The following SELENBP1 variants were observed in gnomAD, a reference collection of about 807,000 sequenced individuals.
SELENBP1 encodes selenium binding protein 1.
In SELENBP1, 71 loss-of-function variants were observed where a neutral mutation model predicts 61.0. That is an observed-to-expected ratio of 1.16 (90% CI 0.96 to 1.42). The LOEUF (loss-of-function observed/expected upper bound fraction) is 1.42. Ranked by LOEUF, SELENBP1 falls within the 40% of genes most tolerant of loss-of-function variation. SELENBP1 has a pLI of 0.00. For synonymous variants in SELENBP1, 270 were observed against 238.9 expected, an observed-to-expected ratio of 1.13 and a Z score of -1.20; for missense variants, 561 against 605.0, an observed-to-expected ratio of 0.93 and a Z score of 0.76.
At chr1:151,367,232 T>A (rs1364822450) in intron 5 of SELENBP1, 36 of 230,422 alleles carry the variant, frequency 1.6e-4, no homozygotes, top group African/African-American at 7.7e-4. Context: ...TAATCCCAGC[T>A]ACTCGGGAGG....
rs555337024 is a variant in SELENBP1 at position 151,364,727 on chromosome 1, T to C, written c.1257-22A>G. 6 of 1,560,548 alleles carry C rather than the reference T, an allele frequency of 3.8e-6. No individual in the cohort carries two copies. The South Asian group carries it at 7.4e-5, about 19-fold the overall frequency. ...TTCCCTGGTGGAAAAGGGAATGGGGTAAGGGAGAGGTCAGAGGTGGCTGCC... is the reference window on the plus strand; with the variant it reads ...TTCCCTGGTGGAAAAGGGAATGGGGCAAGGGAGAGGTCAGAGGTGGCTGCC... On this transcript the variant is annotated intron_variant, in intron 11 of 11. Transcript: ENST00000368868.
chr1:151,367,132 C>T, intron 5 of SELENBP1: 1 of 1,106,440 alleles, frequency 9.0e-7, no homozygotes, highest in Non-Finnish European at 1.2e-6. Flanking sequence ...CACTTGAGGT[C>T]AGGAGTTCAG....
chr1:151,372,680 G>T lies in SELENBP1; in HGVS notation c.-39C>A, dbSNP rs746319494. On this transcript the variant is annotated 5_prime_UTR_variant, in exon 1 of 12. Transcript: ENST00000368868. ...ACACTTTGATCCCGGCGGGTTTGCT[G>T]TGCTGGTGTCAGAGGCCGCTGTTCC... The T allele has an allele frequency of 3.7e-6, 6 of 1,613,992 alleles. No homozygotes were observed. In the South Asian group the frequency reaches 5.5e-5, roughly 15 times the overall value.
intron 1 of SELENBP1, among the ~76,000 whole-genome samples, chr1:151,372,348 A>T (rs12118866): frequency 6.8e-4 from 103 of 152,334 alleles, no homozygotes; most frequent in Non-Finnish European, 1.3e-3. Context: ...TGATTTTCCC[A>T]GCTGCAGAAA....
In SELENBP1 at chr1:151,369,139, T is replaced by C; in HGVS notation, c.225A>G (p.Ser75=). 6.2e-7 allele frequency: 1 copy of C among 1,613,838 alleles called. No homozygotes were observed. The highest frequency in any genetic ancestry group is 1.1e-5 in the South Asian group (1 of 91,084). ...AGCAGCTGCTGCAGGTGTTCCATCC[T>C]GAGTGATGCAGCTCGTCCTTCAGGT... ...MPNLKDELHH[S]GWNTCSSCFG... Residue 75 remains serine, a synonymous_variant, in exon 4 of 12, where the codon TCA becomes TCG. Coordinates refer to ENST00000368868, the MANE Select transcript of SELENBP1 (RefSeq NM_003944.4).
Position 151,364,590 on chromosome 1 carries a change from C to T in SELENBP1, c.1372G>A (p.Glu458Lys). ...KEPLGPALAH[E>K]LRYPGGDCSS... ...CAATCGCCCCCAGGGTAGCGGAGCTCATGGGCAAGGGCTGGGCCAAGGGGC... is the reference window on the plus strand; with the variant it reads ...CAATCGCCCCCAGGGTAGCGGAGCTTATGGGCAAGGGCTGGGCCAAGGGGC... The change falls in exon 12 of 12, where the codon GAG becomes AAG. Residue 458 changes from glutamate to lysine, a missense_variant. Transcript: ENST00000368868. 1 of 1,614,102 alleles carries T rather than the reference C, an allele frequency of 6.2e-7. No homozygotes were observed. Among genetic ancestry groups the T allele is most frequent in the South Asian group, 1.1e-5 (1 of 91,082 alleles).
At chr1:151,369,378 G>T in intron 3 of SELENBP1, 64 bp downstream of exon 3, 2 of 1,498,742 alleles carry the variant, frequency 1.3e-6, no homozygotes, top group Non-Finnish European at 1.8e-6. Context: ...GGAAGGGGGG[G>T]CCCAGGGCCA....
At chr1:151,366,551 G>A (rs1651831563) in intron 6 of SELENBP1, 98 bp from the exon 7 acceptor site, 2 of 1,448,154 alleles carry the variant, frequency 1.4e-6, no homozygotes, top group African/African-American at 2.8e-5. Context: ...GTTAAGAAAT[G>A]GATTGGAGGG....
rs552420771 is a variant in SELENBP1, at chr1:151,365,159, G to A, written c.1137+30C>T. The A allele has an allele frequency of 4.4e-6, 7 of 1,601,986 alleles. No homozygotes were observed. The African/African-American group carries it at 6.7e-5, about 15-fold the overall frequency. On this transcript the variant is annotated intron_variant, in intron 10 of 11. Coordinates refer to ENST00000368868, the MANE Select transcript of SELENBP1 (RefSeq NM_003944.4). ...ATATTCCTCAAGCATGGGTCTGAGGGGTCCAGCAAGTAGGGGGAGAGGCTC... is the reference window on the plus strand; with the variant it reads ...ATATTCCTCAAGCATGGGTCTGAGGAGTCCAGCAAGTAGGGGGAGAGGCTC...
chr1:151,366,286 AGAAGCGCTGGATGGTG>A lies in SELENBP1; in HGVS notation c.816_831del (p.Ile274ArgfsTer12). ...AGGGCGTATGTCACCTCGTTCTTGT[AGAAGCGCTGGATGGTG>A]GAGCTGAGTGCGCAGCCCACAAAGC... is the stretch of plus-strand genomic sequence containing the variant. On this transcript the variant is annotated frameshift_variant, in exon 7 of 12. Coordinates refer to ENST00000368868, the MANE Select transcript of SELENBP1 (RefSeq NM_003944.4). LOFTEE classifies it high-confidence loss of function. The A allele has an allele frequency of 6.2e-7, 1 of 1,613,368 alleles. No individual in the cohort carries two copies. Among genetic ancestry groups the A allele is most frequent in the African/African-American group, 1.3e-5 (1 of 75,036 alleles).
In SELENBP1 at chr1:151,369,476, A is replaced by G; in HGVS notation, c.140T>C (p.Val47Ala). 1 of 1,613,106 alleles carries G rather than the reference A, an allele frequency of 6.2e-7. No individual in the cohort carries two copies. Among genetic ancestry groups the G allele is most frequent in the Non-Finnish European group, 8.5e-7 (1 of 1,179,662 alleles). ...GTEAPDYLAT[V>A]DVDPKSPQYC... is the part of the protein sequence containing the mutation. ...CTGGGGAGACTTGGGGTCAACATCC[A>G]CAGTGGCCAGATAATCTGGGGCCTC... Residue 47 changes from valine (V) to alanine (A), a missense_variant, in exon 3 of 12, where the codon GTG (valine) becomes GCG (alanine). Coordinates refer to ENST00000368868, the MANE Select transcript of SELENBP1 (RefSeq NM_003944.4).
chr1:151,372,664 T>TC lies in SELENBP1; in HGVS notation c.-24dup. 2 of 1,614,076 alleles carry TC rather than the reference T, an allele frequency of 1.2e-6. No individual in the cohort carries two copies. Among genetic ancestry groups the TC allele is most frequent in the Non-Finnish European group, 8.5e-7 (1 of 1,180,010 alleles). ...CATGCTGCCGACTGGTACACTTTGATCCCGGCGGGTTTGCTGTGCTGGTGT... is the reference window on the plus strand; with the variant it reads ...CATGCTGCCGACTGGTACACTTTGATCCCCGGCGGGTTTGCTGTGCTGGTGT... On this transcript the variant is annotated 5_prime_UTR_variant, in exon 1 of 12. Coordinates refer to ENST00000368868, the MANE Select transcript of SELENBP1 (RefSeq NM_003944.4).
rs777004603 is a variant in SELENBP1 at position 151,369,423 on chromosome 1, C to T, written c.174+19G>A. The T allele has an allele frequency of 8.1e-6, 13 of 1,595,870 alleles. No homozygotes were observed. Among genetic ancestry groups the T allele is most frequent in the South Asian group, 6.8e-5 (6 of 88,858 alleles). On this transcript the variant is annotated intron_variant, in intron 3 of 11. Transcript: ENST00000368868. The stretch of plus-strand genomic sequence containing the variant: ...GCAGCTATGGTCTCAAAGTAGCTGG[C>T]GCCCAAGCCCCGCCTAACCTGGCAA...
At chr1:151,365,502 C>T (rs985250826) in intron 9 of SELENBP1, 61 bp downstream of exon 9, 9 of 1,608,558 alleles carry the variant, frequency 5.6e-6, no homozygotes, top group African/African-American at 1.3e-5. Flanking sequence ...TCATCCACCC[C>T]ATCCCCAGCT....
In SELENBP1 at chr1:151,365,011, G is replaced by A; in HGVS notation, c.1171C>T (p.Gln391Ter). 1.2e-6 allele frequency: 2 copies of A among 1,611,838 alleles called. No homozygotes were observed. Among genetic ancestry groups the A allele is most frequent in the East Asian group, 2.2e-5 (1 of 44,830 alleles). Residue 391 changes from glutamine to a stop codon, truncating the protein, a stop_gained, in exon 11 of 12, where the codon CAG becomes TAG. Transcript: ENST00000368868. LOFTEE classifies it high-confidence loss of function. ...AGGCGCTTCCCATCCAGGCTGAGCT[G>A]GATCATCTGAGGGCCTCCAGCCACC... is the stretch of plus-strand genomic sequence containing the variant. ...KRVAGGPQMI[Q>*]LSLDGKRLYI...
chr1:151,368,107 C>T, intron 5 of SELENBP1, 92 bp downstream of exon 5: 1 of 1,528,966 alleles, frequency 6.5e-7, no homozygotes. Flanking sequence ...TCATTCCAAC[C>T]CTCCCCTTCC....
At position 151,365,649 on chromosome 1, in the gene SELENBP1, G is replaced by A. The variant is rs369459403; in HGVS notation, c.958C>T (p.Arg320Cys). ...AGCCAGTTGCTGAAGTAGAGGAAGC[G>A]GTCGTCCAGGGAGAGCAGGATGTCG... is the stretch of plus-strand genomic sequence containing the variant. Reference protein sequence around the residue: ...ITDILLSLDDRFLYFSNWLHG... With the variant: ...ITDILLSLDDCFLYFSNWLHG... Residue 320 changes from arginine (R) to cysteine (C), a missense_variant, in exon 9 of 12, where the codon CGC (arginine) becomes TGC (cysteine). By Grantham distance (180) the Arg-to-Cys change is radical. Transcript: ENST00000368868. 46 of 1,614,182 alleles carry A rather than the reference G, an allele frequency of 2.8e-5. No individual in the cohort carries two copies. In the Admixed American group the frequency reaches 3.2e-4, roughly 11 times the overall value.
intron 9 of SELENBP1, 133 bp from the exon 10 acceptor site, chr1:151,365,414 G>C (rs1651754690): frequency 1.3e-6 from 2 of 1,487,060 alleles, no homozygotes; most frequent in Non-Finnish European, 1.8e-6. Flanking sequence ...GGCCTGGACA[G>C]TCCTGGGCCT....
At chr1:151,367,015 C>G in intron 5 of SELENBP1, 111 bp from the exon 6 acceptor site, 1 of 1,503,108 alleles carries the variant, frequency 6.7e-7, no homozygotes, top group Non-Finnish European at 8.9e-7. Flanking sequence ...ATTGCCTCTA[C>G]CTCCACTGCT....
Sources: allele counts gnomAD v4.1 joint callset (sites outside exome capture counted in the v4.1 genomes callset), GRCh38; gene constraint gnomAD v4.1.1; transcripts MANE v1.5; gene names NCBI Gene and HGNC (gene_info 2026-07-23, HGNC 2026-07-21).